The following PPARD variants were observed in gnomAD, a reference collection of about 807,000 sequenced individuals.
The protein encoded by PPARD is peroxisome proliferator activated receptor delta.
A neutral mutation model predicts 39.5 loss-of-function variants in PPARD; 6 were observed. The observed-to-expected ratio is 0.15, with a 90% CI of 0.08 to 0.30. PPARD has a LOEUF of 0.30. Among genes scored for constraint, PPARD ranks in the 10% least tolerant of loss-of-function variants. The pLI, the probability that PPARD is intolerant of heterozygous loss-of-function variation, is 1.00. For synonymous variants in PPARD, 210 were observed against 231.3 expected, an observed-to-expected ratio of 0.91 and a Z score of 0.83; for missense variants, 397 against 596.8, an observed-to-expected ratio of 0.67 and a Z score of 3.49.
At position 35,424,144 on chromosome 6, in the gene PPARD, C is replaced by T. The variant is rs766827287; in HGVS notation, c.623C>T (p.Thr208Met). 1.4e-5 allele frequency: 23 copies of T among 1,612,484 alleles called. No homozygotes were observed. The highest frequency in any genetic ancestry group is 4.5e-5 in the East Asian group (2 of 44,876). The change falls in exon 6 of 8, where the codon ACG becomes ATG. Residue 208 changes from threonine (T) to methionine (M), a missense_variant. Thr to Met is a moderately conservative substitution (Grantham distance 81). Coordinates refer to ENST00000360694, the MANE Select transcript of PPARD (RefSeq NM_006238.5). The surrounding 1 kb of genome is among the most constrained non-coding windows in gnomAD (Gnocchi z 7.1). ...ATCCTCACCGGCAAAGCCAGCCACA[C>T]GGCGGTGAGTGTTGCTGCTGCTTGG... ...RSILTGKASHTAPFVIHDIET... is the reference protein window; with the variant it reads ...RSILTGKASHMAPFVIHDIET...
At chr6:35,387,294 C>T (rs754931938) in intron 2 of PPARD, among the ~76,000 whole-genome samples, 7 of 152,138 alleles carry the variant, frequency 4.6e-5, no homozygotes, top group Non-Finnish European at 1.0e-4. Context: ...TTCTGGGGCC[C>T]GAGCCCAGGT....
At chr6:35,404,507 T>A (rs758449346) in intron 2 of PPARD, among the ~76,000 whole-genome samples, 3 of 152,192 alleles carry the variant, frequency 2.0e-5, no homozygotes, top group Non-Finnish European at 4.4e-5. Flanking sequence ...GCACACTGAC[T>A]GTCCCCACTC....
chr6:35,378,675 G>A (rs978361597), intron 2 of PPARD, among the ~76,000 whole-genome samples: 13 of 152,286 alleles, frequency 8.5e-5, no homozygotes, highest in Middle Eastern at 6.8e-3. Context: ...AGTTGCTTTA[G>A]GAGTAGGTGA....
At position 35,412,211 on chromosome 6, in the gene PPARD, AG is replaced by A. The variant is rs1765475530; in HGVS notation, c.130+996del. Among the ~76,000 whole-genome samples, 1 of 152,138 alleles carries A rather than the reference AG, an allele frequency of 6.6e-6. No individual in the cohort carries two copies. Among genetic ancestry groups the A allele is most frequent in the Non-Finnish European group, 1.5e-5 (1 of 68,026 alleles). ...CTCCCAAAGTGCTGGGATTACAAGC[AG>A]GAGCCACCGCGCCTGGCCTGATCCC... On this transcript the variant is annotated intron_variant, in intron 3 of 7. Transcript: ENST00000360694. This position sits in a 1 kb window ranked among gnomAD's most constrained non-coding sequence, Gnocchi z 4.1.
At chr6:35,356,087 A>G (rs1035950144) in intron 2 of PPARD, among the ~76,000 whole-genome samples, 1 of 152,138 alleles carries the variant, frequency 6.6e-6, no homozygotes, top group African/African-American at 2.4e-5. Context: ...TCAGCTTGGA[A>G]AGAGTTCTCT....
chr6:35,386,029 G>C (rs191969097), intron 2 of PPARD, among the ~76,000 whole-genome samples: 1 of 152,194 alleles, frequency 6.6e-6, no homozygotes, highest in Non-Finnish European at 1.5e-5. Context: ...TGTGACCCTG[G>C]GCAAGTTACC....
chr6:35,385,626 C>T (rs1358196351), intron 2 of PPARD, among the ~76,000 whole-genome samples: 1 of 90,092 alleles, frequency 1.1e-5, no homozygotes, highest in Non-Finnish European at 2.2e-5. Flanking sequence ...CAAGAATTAT[C>T]AATAAAAAAT....
In PPARD at chr6:35,425,160, G is replaced by C. The variant is rs1766487267; in HGVS notation, c.1078+381G>C. The C allele has an allele frequency of 1.3e-6, 1 of 795,396 alleles. No homozygotes were observed. Among genetic ancestry groups the C allele is most frequent in the African/African-American group, 1.8e-5 (1 of 54,880 alleles). 49.3% of individuals were successfully genotyped at this position (795,396 alleles called of 1,614,324 possible). A position where few individuals can be genotyped will look rare whatever the true frequency, so the allele number is the denominator to read the frequency against. ...GTGGTGGCACGCGCCTGTAATCCCA[G>C]CTACTTGGGAGGCTGAGCCAGGAGA... On this transcript the variant is annotated intron_variant, in intron 7 of 7. Transcript: ENST00000360694. The surrounding 1 kb of genome is among the most constrained non-coding windows in gnomAD (Gnocchi z 4.5).
Position 35,425,192 on chromosome 6 carries a change from T to A in PPARD, c.1078+413T>A, listed in dbSNP as rs1766489015. ...GGGAGGCTGAGCCAGGAGAATCGCT[T>A]GAACCCGAGAGGTGGAGGTTGCAGT... On this transcript the variant is annotated intron_variant, in intron 7 of 7. Transcript: ENST00000360694. The surrounding 1 kb of genome is among the most constrained non-coding windows in gnomAD (Gnocchi z 4.5). 7 of 883,228 alleles carry A rather than the reference T, an allele frequency of 7.9e-6. No individual in the cohort carries two copies. Among genetic ancestry groups the A allele is most frequent in the Admixed American group, 5.0e-5 (1 of 19,886 alleles). The allele number at this position is 883,228 out of a possible 1,614,324, so 54.7% of individuals were successfully genotyped here.
chr6:35,350,191 C>T (rs1010169933), intron 2 of PPARD, among the ~76,000 whole-genome samples: 7 of 152,130 alleles, frequency 4.6e-5, no homozygotes, highest in Admixed American at 1.3e-4. Context: ...AATATTTTCT[C>T]TCATTCTGTG....
intron 2 of PPARD, among the ~76,000 whole-genome samples, chr6:35,350,833 G>A (rs1259635827): frequency 6.6e-6 from 1 of 152,014 alleles, no homozygotes; most frequent in East Asian, 1.9e-4. Flanking sequence ...CACCATGTTG[G>A]TCAGGCTGGT....
chr6:35,381,365 T>TA (rs1763143864), intron 2 of PPARD, among the ~76,000 whole-genome samples: 1 of 152,240 alleles, frequency 6.6e-6, no homozygotes, highest in Non-Finnish European at 1.5e-5. Context: ...TTAATTGGTT[T>TA]ACTCATGAGT....
chr6:35,372,014 T>G (rs1294953776), intron 2 of PPARD, among the ~76,000 whole-genome samples: 1 of 152,236 alleles, frequency 6.6e-6, no homozygotes, highest in Non-Finnish European at 1.5e-5. Context: ...AAGGTGGGTC[T>G]GGGTTTGAAT....
intron 5 of PPARD, among the ~76,000 whole-genome samples, chr6:35,422,250 T>C (rs9658157): frequency 1.3e-5 from 2 of 152,306 alleles, no homozygotes; most frequent in South Asian, 2.1e-4. Context: ...GAACTGATAA[T>C]TGATACCAGC....
intron 2 of PPARD, among the ~76,000 whole-genome samples, chr6:35,377,676 G>A (rs902205827): frequency 6.6e-6 from 1 of 152,110 alleles, no homozygotes; most frequent in East Asian, 1.9e-4. Flanking sequence ...CCTGTTGGCT[G>A]CCTCTGTGGT....
intron 2 of PPARD, among the ~76,000 whole-genome samples, chr6:35,353,995 G>A (rs998807125): frequency 1.3e-5 from 2 of 152,144 alleles, no homozygotes; most frequent in African/African-American, 4.8e-5. Flanking sequence ...CACTTTGGGA[G>A]GCCGAGGTGG....
chr6:35,367,254 C>T (rs1762255027), intron 2 of PPARD, among the ~76,000 whole-genome samples: 1 of 152,142 alleles, frequency 6.6e-6, no homozygotes. Context: ...CAGGGTCCTT[C>T]CCAATTATAG....
chr6:35,372,418 A>T (rs1003720280), intron 2 of PPARD, among the ~76,000 whole-genome samples: 1 of 152,170 alleles, frequency 6.6e-6, no homozygotes, highest in Non-Finnish European at 1.5e-5. Context: ...ACCTCAGGTG[A>T]TCTGCCCACC....
intron 2 of PPARD, among the ~76,000 whole-genome samples, chr6:35,374,359 T>C (rs1294130037): frequency 6.6e-6 from 1 of 151,644 alleles, no homozygotes; most frequent in Non-Finnish European, 1.5e-5. Flanking sequence ...TGTTTTGTTT[T>C]AGAAGTAAAA....
Sources: allele counts gnomAD v4.1 joint callset (sites outside exome capture counted in the v4.1 genomes callset), GRCh38; gene constraint gnomAD v4.1.1; non-coding constraint Gnocchi (gnomAD v3.1); transcripts MANE v1.5; gene names NCBI Gene and HGNC (gene_info 2026-07-23, HGNC 2026-07-21).